Variants in TRAPPC9 observed in about 807,000 individuals in gnomAD.
TRAPPC9 encodes the protein IKK2 binding protein.
A neutral mutation model predicts 124.0 loss-of-function variants in TRAPPC9; 83 were observed. That is an observed-to-expected ratio of 0.67 (90% CI 0.56 to 0.80). The LOEUF is 0.80. TRAPPC9 is among the 30% of genes least tolerant of loss of function. The pLI is 0.00. For synonymous variants in TRAPPC9, 638 were observed against 617.5 expected (o/e 1.03, Z -0.49); for missense variants, 1,302 against 1,508.3 (o/e 0.86, Z 2.27).
At chr8:140,094,213 A>C (rs774923770) in intron 17 of TRAPPC9, among the ~76,000 whole-genome samples, 2 of 152,208 alleles carry the variant, frequency 1.3e-5, no homozygotes, top group Non-Finnish European at 2.9e-5. Flanking sequence ...AAATAGCAAC[A>C]GGCACCGCTC....
chr8:139,834,480 A>G (rs764118260), intron 21 of TRAPPC9, among the ~76,000 whole-genome samples: 1 of 152,220 alleles, frequency 6.6e-6, no homozygotes, highest in African/African-American at 2.4e-5. Flanking sequence ...GGGGGCGGGC[A>G]CAGCTGCAAG....
chr8:139,757,555 C>T (rs570723514), intron 21 of TRAPPC9, among the ~76,000 whole-genome samples: 43 of 152,068 alleles, frequency 2.8e-4, no homozygotes, highest in African/African-American at 9.9e-4. Context: ...GCCGGAGGAG[C>T]CAGGGGGCGT....
At chr8:140,324,626 C>T (rs557663493) in intron 9 of TRAPPC9, among the ~76,000 whole-genome samples, 44 of 152,056 alleles carry the variant, frequency 2.9e-4, no homozygotes, top group African/African-American at 7.5e-4. Context: ...GAAAATTAGG[C>T]GGGCATGGTA....
intron 21 of TRAPPC9, among the ~76,000 whole-genome samples, chr8:139,813,914 G>C (rs1017882362): frequency 6.6e-6 from 1 of 152,188 alleles, no homozygotes; most frequent in African/African-American, 2.4e-5. Flanking sequence ...GCAGAGGGCT[G>C]CAGACAGGAA....
chr8:139,846,662 C>A (rs1586975510), intron 21 of TRAPPC9, among the ~76,000 whole-genome samples: 2 of 152,246 alleles, frequency 1.3e-5, no homozygotes, highest in South Asian at 4.1e-4. Context: ...ACGATGCTAG[C>A]CGCATTGGAA....
chr8:140,189,662 C>T (rs1426473263), intron 17 of TRAPPC9, among the ~76,000 whole-genome samples: 4 of 151,176 alleles, frequency 2.6e-5, no homozygotes, highest in African/African-American at 9.8e-5. Flanking sequence ...ATGTTTTGCC[C>T]TTCTCCTTTA....
chr8:140,278,553 T>C (rs2065198943), intron 14 of TRAPPC9, among the ~76,000 whole-genome samples: 1 of 152,224 alleles, frequency 6.6e-6, no homozygotes, highest in African/African-American at 2.4e-5. Context: ...CTAGCAGTAG[T>C]CAAGATGGGC....
chr8:139,958,878 A>AGAGCACTGCATTCTGAGTCACACAGGG (rs1835169142), intron 19 of TRAPPC9, among the ~76,000 whole-genome samples: 70 of 136,870 alleles, frequency 5.1e-4, no homozygotes, highest in African/African-American at 1.1e-3. Flanking sequence ...AGCCTGACAC[A>AGAGCACTGCATTCTGAGTCACACAGGG]GAGCACTGCA....
intron 18 of TRAPPC9, among the ~76,000 whole-genome samples, chr8:140,022,345 A>T (rs1366412334): frequency 6.6e-6 from 1 of 152,222 alleles, no homozygotes; most frequent in Non-Finnish European, 1.5e-5. Context: ...AAGAGCAGGG[A>T]AAAGAACCAC....
At chr8:140,048,170 A>G (rs1171473171) in intron 17 of TRAPPC9, among the ~76,000 whole-genome samples, 2 of 152,254 alleles carry the variant, frequency 1.3e-5, no homozygotes, top group African/African-American at 2.4e-5. Context: ...TGGGTCCCTG[A>G]GCATGCCTAT....
intron 7 of TRAPPC9, among the ~76,000 whole-genome samples, chr8:140,392,026 C>CA (rs35599095): frequency 1.0e-4 from 15 of 144,092 alleles, no homozygotes; most frequent in Middle Eastern, 3.6e-3. Flanking sequence ...AACTCCGTCT[C>CA]AAAAAAAAAA....
chr8:139,861,306 C>G (rs540172258), intron 21 of TRAPPC9, among the ~76,000 whole-genome samples: 1 of 152,298 alleles, frequency 6.6e-6, no homozygotes, highest in African/African-American at 2.4e-5. Flanking sequence ...TTGGACTGCA[C>G]AGTCTAAGCT....
At position 140,451,021 on chromosome 8, in the gene TRAPPC9, A is replaced by T; in HGVS notation, c.353T>A (p.Phe118Tyr). 1 of 1,614,106 alleles carries T rather than the reference A, an allele frequency of 6.2e-7. No homozygotes were observed. The highest frequency in any genetic ancestry group is 8.5e-7 in the Non-Finnish European group (1 of 1,180,004). ...STLYDSRLFV[F>Y]GLQGEIVEQP... ...CTCCACGATCTCCCCCTGCAGCCCG[A>T]AGACAAAGAGCCGGGAGTCATACAG... Residue 118 changes from phenylalanine (F) to tyrosine (Y), a missense_variant, in exon 2 of 23, where the codon TTC (phenylalanine) becomes TAC (tyrosine). Physicochemically the swap from Phe to Tyr is conservative, Grantham distance 22 (BLOSUM62 3). This residue lies in a region of TRAPPC9 where 657 missense variants were observed against 811.2 expected (regional missense o/e 0.81). Coordinates refer to ENST00000438773, the MANE Select transcript of TRAPPC9 (RefSeq NM_001160372.4).
intron 9 of TRAPPC9, among the ~76,000 whole-genome samples, chr8:140,335,705 ATTTT>A (rs10622473): frequency 5.3e-5 from 7 of 131,682 alleles, no homozygotes; most frequent in Admixed American, 2.4e-4. Context: ...AGTCTTCACA[ATTTT>A]TTTTTTTTTT....
intron 17 of TRAPPC9, among the ~76,000 whole-genome samples, chr8:140,064,999 C>T (rs780951535): frequency 6.6e-6 from 1 of 152,212 alleles, no homozygotes; most frequent in Non-Finnish European, 1.5e-5. Context: ...TCTCCCCTTC[C>T]TAATGAGCAC....
rs528405825 is a variant in TRAPPC9, at chr8:139,997,452, A to G, written c.2700-8616T>C. On this transcript the variant is annotated intron_variant, in intron 18 of 22. Transcript: ENST00000438773. The stretch of plus-strand genomic sequence containing the variant: ...CAGGAGAACAATGCATCCCACACAG[A>G]GGAGACAATATATCCCACACAGGGG... 2.2e-3 allele frequency among the ~76,000 whole-genome samples: 294 copies of G among 132,134 alleles called. 1 individual carries two copies. Among genetic ancestry groups the G allele is most frequent in the African/African-American group, 8.0e-3 (281 of 35,260 alleles). 86.7% of individuals were successfully genotyped at this position (132,134 alleles called of 152,430 possible).
chr8:140,350,304 T>C (rs1470643132), intron 9 of TRAPPC9, among the ~76,000 whole-genome samples: 1 of 152,158 alleles, frequency 6.6e-6, no homozygotes, highest in Non-Finnish European at 1.5e-5. Context: ...GTGACTTTGA[T>C]AGAGACAAGC....
intron 2 of TRAPPC9, among the ~76,000 whole-genome samples, chr8:140,449,923 C>T (rs2132697049): frequency 6.6e-6 from 1 of 152,290 alleles, no homozygotes; most frequent in East Asian, 1.9e-4. Flanking sequence ...AAATGCAAGC[C>T]ACGTAAGTAC....
rs1048262140 is a variant in TRAPPC9 at position 139,974,847 on chromosome 8, A to G, written c.2810+13879T>C. ...TCCGTGGTCTTCCACTCCGCCCGGC[A>G]GCCTCCGGCTGCCTCTCCCTCTCCG... On this transcript the variant is annotated intron_variant, in intron 19 of 22. Coordinates refer to ENST00000438773, the MANE Select transcript of TRAPPC9 (RefSeq NM_001160372.4). 5.9e-5 allele frequency among the ~76,000 whole-genome samples: 9 copies of G among 152,052 alleles called. 1 individual carries two copies. The highest frequency in any genetic ancestry group is 2.2e-4 in the African/African-American group (9 of 41,412).
Sources: gnomAD v4.1 joint callset for allele counts (sites outside exome capture counted in the v4.1 genomes callset) on GRCh38, gnomAD v4.1.1 for gene constraint, gnomAD v4.1.1 regional missense constraint, MANE v1.5 for transcripts, NCBI Gene and HGNC (gene_info 2026-07-23, HGNC 2026-07-21) for gene names.